ANK3: variants seen among roughly 807,000 people sequenced by gnomAD.
ANK3 encodes the protein ankyrin-3.
Under a neutral mutation model 370.9 loss-of-function variants are expected in ANK3, and 57 were observed. The ratio of observed to expected loss-of-function variants is 0.15; its 90% CI spans 0.12 to 0.19. The LOEUF is 0.19. Among genes scored for constraint, ANK3 ranks in the 10% least tolerant of loss-of-function variants. The pLI, the probability that ANK3 is intolerant of heterozygous loss-of-function variation, is 1.00. For missense variants in ANK3, 4,439 were observed against 5,302.1 expected (o/e 0.84, Z 5.06); for synonymous variants, 1,929 against 1,946.3 (o/e 0.99, Z 0.23).
intron 2 of ANK3, among the ~76,000 whole-genome samples, chr10:60,406,728 A>G (rs1429660415): frequency 6.6e-6 from 1 of 152,224 alleles, no homozygotes; most frequent in Non-Finnish European, 1.5e-5. Flanking sequence ...TTAGAGTCAA[A>G]TTAATCTGGT....
In ANK3 at chr10:60,076,420, G is replaced by A. The variant is rs757887377; in HGVS notation, c.4461C>T (p.Ser1487=). Residue 1487 remains serine (S), a synonymous_variant, in exon 37 of 44, where the codon TCC becomes TCT. Coordinates refer to ENST00000280772, the MANE Select transcript of ANK3 (RefSeq NM_020987.5). Reference sequence around the variant, plus strand: ...GCTTGTATGAGTAAGTGGTGGGGAGGGATCTTGTTGCTCCTGTACTCCGTT... The same window carrying A: ...GCTTGTATGAGTAAGTGGTGGGGAGAGATCTTGTTGCTCCTGTACTCCGTT... ...MIERSTGATR[S]LPTTYSYKPF... is the part of the protein sequence containing the mutation. The A allele has an allele frequency of 3.7e-6, 6 of 1,610,814 alleles. No homozygotes were observed. The South Asian group carries it at 6.6e-5, about 18-fold the overall frequency.
Position 60,069,449 on chromosome 10 carries a change from T to C in ANK3, c.11432A>G (p.His3811Arg), listed in dbSNP as rs2082284316. Reference protein sequence around the residue: ...NIMSNIVLTEHSAPTCTTEKD... With the variant: ...NIMSNIVLTERSAPTCTTEKD... ...CTCTGTGGTACAAGTGGGTGCAGAA[T>C]GTTCTGTCAGAACTATATTACTCAT... The change falls in exon 37 of 44, where the codon CAT becomes CGT. Residue 3811 changes from histidine (H) to arginine (R), a missense_variant. This residue lies in a region of ANK3 where 496 missense variants were observed against 529.3 expected (regional missense o/e 0.94). Coordinates refer to ENST00000280772, the MANE Select transcript of ANK3 (RefSeq NM_020987.5). The C allele has an allele frequency of 1.2e-6, 2 of 1,614,168 alleles. No homozygotes were observed. The highest frequency in any genetic ancestry group is 1.7e-6 in the Non-Finnish European group (2 of 1,179,996).
intron 2 of ANK3, among the ~76,000 whole-genome samples, chr10:60,435,063 C>A (rs1483097698): frequency 6.6e-6 from 1 of 152,184 alleles, no homozygotes; most frequent in Non-Finnish European, 1.5e-5. Context: ...TCCTATGGAC[C>A]AACCTCATTC....
intron 16 of ANK3, among the ~76,000 whole-genome samples, chr10:60,191,422 C>T (rs1350462223): frequency 6.6e-6 from 1 of 151,724 alleles, no homozygotes; most frequent in Non-Finnish European, 1.5e-5. Context: ...GCAAAGGACA[C>T]GAACAGACAT....
At chr10:60,282,420 G>GAATTCAGT (rs1440398242) in intron 1 of ANK3, among the ~76,000 whole-genome samples, 1 of 151,990 alleles carries the variant, frequency 6.6e-6, no homozygotes, top group Non-Finnish European at 1.5e-5. Flanking sequence ...ACAAATCTTC[G>GAATTCAGT]AATTCAGTGG....
In ANK3 at chr10:60,068,744, T is replaced by C. The variant is rs2082105132; in HGVS notation, c.12137A>G (p.Gln4046Arg). 1 of 1,614,202 alleles carries C rather than the reference T, an allele frequency of 6.2e-7. No individual in the cohort carries two copies. Among genetic ancestry groups the C allele is most frequent in the Non-Finnish European group, 8.5e-7 (1 of 1,180,022 alleles). Residue 4046 changes from glutamine to arginine, a missense_variant, in exon 37 of 44, where the codon CAG becomes CGG. Gln to Arg is a conservative substitution (Grantham distance 43). Transcript: ENST00000280772. ...AGCAGACTTCGTTGTAACCGAAGGC[T>C]GGCCACCCCGGGAAGTCTCGGACAA... ...TSLSETSRGG[Q>R]PSVTTKSARD...
intron 7 of ANK3, among the ~76,000 whole-genome samples, chr10:60,250,850 C>T (rs2097652385): frequency 6.6e-6 from 1 of 152,178 alleles, no homozygotes. Flanking sequence ...TCTCACAAGC[C>T]TGGCCCAGGT....
intron 27 of ANK3, among the ~76,000 whole-genome samples, chr10:60,106,500 A>G (rs2092193880): frequency 6.6e-6 from 1 of 152,102 alleles, no homozygotes; most frequent in Non-Finnish European, 1.5e-5. Flanking sequence ...TGATTGCTAT[A>G]TTTTCTCCTT....
chr10:60,364,680 T>C (rs1376073579), intron 1 of ANK3, among the ~76,000 whole-genome samples: 3 of 152,062 alleles, frequency 2.0e-5, no homozygotes, highest in Admixed American at 1.3e-4. Context: ...ACCCCAGAAC[T>C]TAAAGTATAA....
At chr10:60,170,169 T>C (rs1336306437) in intron 21 of ANK3, among the ~76,000 whole-genome samples, 1 of 152,250 alleles carries the variant, frequency 6.6e-6, no homozygotes, top group African/African-American at 2.4e-5. Flanking sequence ...TCAGCTTCTA[T>C]CCATTCAGTT....
At chr10:60,510,683 G>A (rs1261619232) in intron 2 of ANK3, among the ~76,000 whole-genome samples, 3 of 152,002 alleles carry the variant, frequency 2.0e-5, no homozygotes, top group African/African-American at 4.8e-5. Context: ...AGCCAGCCAT[G>A]GTGGCAGATG....
In ANK3 at chr10:60,609,542, T is replaced by G. The variant is rs905769456; in HGVS notation, c.96+5644A>C. 1.8e-4 allele frequency among the ~76,000 whole-genome samples: 27 copies of G among 152,194 alleles called. No homozygotes were observed. In the South Asian group the frequency reaches 5.2e-3, roughly 29 times the overall value. On this transcript the variant is annotated intron_variant, in intron 2 of 43. Coordinates refer to the ANK3 transcript ENST00000373827. ...CAAAGGGGACTTCTTTTTTCCTTTT[T>G]TTTTTTCCTTGCCAACTATGGTAGA...
chr10:60,337,547 T>C (rs950532961), intron 1 of ANK3, among the ~76,000 whole-genome samples: 1 of 152,160 alleles, frequency 6.6e-6, no homozygotes, highest in African/African-American at 2.4e-5. Context: ...GTCTCCTCTT[T>C]GACCCCACAA....
chr10:60,178,804 C>T (rs2096055810), intron 18 of ANK3, among the ~76,000 whole-genome samples: 1 of 152,156 alleles, frequency 6.6e-6, no homozygotes, highest in Admixed American at 6.5e-5. Flanking sequence ...TGCTTCCGGA[C>T]ATTATCCTTC....
At chr10:60,177,833 C>G (rs1023710891) in intron 18 of ANK3, among the ~76,000 whole-genome samples, 1 of 152,016 alleles carries the variant, frequency 6.6e-6, no homozygotes, top group Admixed American at 6.6e-5. Flanking sequence ...ATCTCTTGAC[C>G]TCGTGATCTG....
intron 1 of ANK3, among the ~76,000 whole-genome samples, chr10:60,679,028 T>C (rs909174420): frequency 4.0e-5 from 6 of 148,300 alleles, no homozygotes; most frequent in Non-Finnish European, 7.4e-5. Context: ...GTAAAGAGAG[T>C]GCTCAGGGTG....
chr10:60,611,640 T>C (rs2078203042), intron 2 of ANK3, among the ~76,000 whole-genome samples: 1 of 151,994 alleles, frequency 6.6e-6, no homozygotes. Flanking sequence ...TCCTGATGAC[T>C]CATATTCCAC....
rs2092929613 is a variant in ANK3, at chr10:60,114,301, C to G, written c.2872G>C (p.Asp958His). 3 of 1,605,860 alleles carry G rather than the reference C, an allele frequency of 1.9e-6. No individual in the cohort carries two copies. The highest frequency in any genetic ancestry group is 2.6e-6 in the Non-Finnish European group (3 of 1,175,984). ...HLTFTREFDSDSLRHYSWAAD... is the reference protein window; with the variant it reads ...HLTFTREFDSHSLRHYSWAAD... ...GCCCAGCTGTAATGTCTAAGAGAAT[C>G]TGAATCAAATTCCCTTGTGAATGTT... is the stretch of plus-strand genomic sequence containing the variant. The change falls in exon 26 of 44, where the codon GAT (aspartate) becomes CAT (histidine). Residue 958 changes from aspartate (D) to histidine (H), a missense_variant. Asp to His is a moderately conservative substitution (Grantham distance 81, BLOSUM62 -1). This residue lies in a region of ANK3 where 702 missense variants were observed against 941.5 expected (regional missense o/e 0.75). Transcript: ENST00000280772.
chr10:60,488,202 G>C (rs2075399843), intron 2 of ANK3, among the ~76,000 whole-genome samples: 1 of 152,082 alleles, frequency 6.6e-6, no homozygotes, highest in Admixed American at 6.6e-5. Flanking sequence ...TTCTTTGCAT[G>C]TCAGCCAATT....
Sources: allele counts gnomAD v4.1 joint callset (sites outside exome capture counted in the v4.1 genomes callset), GRCh38; gene constraint gnomAD v4.1.1; regional missense constraint gnomAD v4.1.1; transcripts MANE v1.5; gene names NCBI Gene and HGNC (gene_info 2026-07-23, HGNC 2026-07-21).